Variants in ANKRD2 observed in about 807,000 individuals in gnomAD.
ANKRD2 encodes the protein ankyrin repeat domain 2.
Under a neutral mutation model 37.3 loss-of-function variants are expected in ANKRD2, and 35 were observed. The observed-to-expected ratio is 0.94, with a 90% CI of 0.72 to 1.24. ANKRD2 has a LOEUF of 1.24. Among genes scored for constraint, ANKRD2 ranks in the 50% most tolerant of loss-of-function variants. The pLI is 0.00. For synonymous variants in ANKRD2, 159 were observed against 186.5 expected, an observed-to-expected ratio of 0.85 and a Z score of 1.20; for missense variants, 410 against 445.6, an observed-to-expected ratio of 0.92 and a Z score of 0.72.
Position 97,578,502 on chromosome 10 carries a change from G to C in ANKRD2, c.353G>C (p.Gly118Ala), listed in dbSNP as rs759040379. The change falls in exon 4 of 9, where the codon GGC becomes GCC. Residue 118 changes from glycine to alanine, a missense_variant. Physicochemically the swap from Gly to Ala is moderately conservative, Grantham distance 60. Transcript: ENST00000370655. Reference sequence around the variant, plus strand: ...CTGCTGCGTCCACATCTGCAGACTGGCCCTGTGGATGAGGAGACCTTCCTG... The same window carrying C: ...CTGCTGCGTCCACATCTGCAGACTGCCCCTGTGGATGAGGAGACCTTCCTG... ...EPPPEPEEIT[G>A]PVDEETFLKA... The C allele has an allele frequency of 6.3e-7, 1 of 1,586,026 alleles. No homozygotes were observed. The highest frequency in any genetic ancestry group is 1.8e-5 in the Admixed American group (1 of 54,734).
rs138862885 is a variant in ANKRD2 at position 97,583,711 on chromosome 10, G to A, written c.988G>A (p.Val330Met). Residue 330 changes from valine to methionine, a missense_variant, in exon 9 of 9, where the codon GTG becomes ATG. Transcript: ENST00000370655. ...NDSGRETPQP[V>M]PAQ is the part of the protein sequence containing the mutation. ...TAGTGGGCGAGAGACCCCTCAGCCT[G>A]TGCCAGCCCAGTGAATGCGTGCCCC... 2.6e-5 allele frequency: 41 copies of A among 1,552,646 alleles called. No homozygotes were observed. The highest frequency in any genetic ancestry group is 3.6e-5 in the Non-Finnish European group (41 of 1,150,790).
chr10:97,581,605 A>C (rs2040899597), intron 6 of ANKRD2, among the ~76,000 whole-genome samples, 191 bp downstream of exon 6: 1 of 152,232 alleles, frequency 6.6e-6, no homozygotes. Flanking sequence ...CCATCCACAC[A>C]GGCCCTTGAG....
chr10:97,578,437 G>A (rs2040856149), intron 3 of ANKRD2, 39 bp downstream of exon 3: 3 of 1,609,536 alleles, frequency 1.9e-6, no homozygotes, highest in Non-Finnish European at 2.5e-6. Context: ...GGGGCGGAGG[G>A]GGAGCCCGGG....
chr10:97,578,033 A>G, intron 2 of ANKRD2, 132 bp downstream of exon 2: 3 of 1,085,472 alleles, frequency 2.8e-6, no homozygotes, highest in Non-Finnish European at 3.9e-6. Flanking sequence ...GCCCTGCAGA[A>G]TCTCCGCCCC....
intron 8 of ANKRD2, 21 bp from the exon 9 acceptor site, chr10:97,583,555 G>C (rs780442859): frequency 6.4e-7 from 1 of 1,572,676 alleles, no homozygotes; most frequent in Non-Finnish European, 8.6e-7. Flanking sequence ...CAACCCCCAC[G>C]CCCCGTCCCG....
chr10:97,578,103 G>C (rs1315638974), intron 2 of ANKRD2, 137 bp from the exon 3 acceptor site: 1 of 1,198,668 alleles, frequency 8.3e-7, no homozygotes, highest in Non-Finnish European at 1.1e-6. Context: ...CCTGGAAGGA[G>C]GGATAGACCT....
At position 97,577,861 on chromosome 10, in the gene ANKRD2, A is replaced by G; in HGVS notation, c.149A>G (p.Lys50Arg). ...GACTTGCTGGTGCTGGAGGATGAGA[A>G]GCACCACGGGGCTCAGAGTGCAGCC... ...PMDLLVLEDEKHHGAQSAALQ... is the reference protein window; with the variant it reads ...PMDLLVLEDERHHGAQSAALQ... Residue 50 changes from lysine (K) to arginine (R), a missense_variant, in exon 2 of 9, where the codon AAG becomes AGG. By Grantham distance (26) the Lys-to-Arg change is conservative (BLOSUM62 2). Transcript: ENST00000370655. 1 of 1,573,306 alleles carries G rather than the reference A, an allele frequency of 6.4e-7. No individual in the cohort carries two copies. The highest frequency in any genetic ancestry group is 8.6e-7 in the Non-Finnish European group (1 of 1,159,450).
Position 97,583,810 on chromosome 10 carries a change from G to A in ANKRD2, c.*85G>A, listed in dbSNP as rs1159011642. On this transcript the variant is annotated 3_prime_UTR_variant, in exon 9 of 9. Coordinates refer to ENST00000370655, the MANE Select transcript of ANKRD2 (RefSeq NM_001346793.2). ...AAGAATGGCTCCCGGAGCTAACTGA[G>A]GGCCCAGCCTTTTTTCTGCATGATC... 7.2e-7 allele frequency: 1 copy of A among 1,380,890 alleles called. No individual in the cohort carries two copies. Among genetic ancestry groups the A allele is most frequent in the East Asian group, 3.0e-5 (1 of 33,810 alleles). 85.5% of individuals were successfully genotyped at this position (1,380,890 alleles called of 1,614,324 possible). A position where few individuals can be genotyped will look rare whatever the true frequency, so the allele number is the denominator to read the frequency against.
chr10:97,583,508 T>A, intron 8 of ANKRD2, 68 bp from the exon 9 acceptor site: 1 of 1,435,910 alleles, frequency 7.0e-7, no homozygotes, highest in African/African-American at 1.5e-5. Context: ...GTACCTTCTG[T>A]GAAAGCCTTC....
rs751642438 is a variant in ANKRD2 at position 97,581,427 on chromosome 10, C to T, written c.654+13C>T. The T allele has an allele frequency of 3.1e-6, 5 of 1,613,238 alleles. No individual in the cohort carries two copies. In the African/African-American group the frequency reaches 5.3e-5, roughly 17 times the overall value. ...TGTGAGGGATAAGGTGAGGCAAAAACACTCAGAAGCAACAGATATTGGGGT... is the reference window on the plus strand; with the variant it reads ...TGTGAGGGATAAGGTGAGGCAAAAATACTCAGAAGCAACAGATATTGGGGT... On this transcript the variant is annotated intron_variant, in intron 6 of 8. Transcript: ENST00000370655.
intron 1 of ANKRD2, among the ~76,000 whole-genome samples, chr10:97,575,734 C>A (rs1018797773): frequency 1.3e-5 from 2 of 152,184 alleles, no homozygotes; most frequent in African/African-American, 4.8e-5. Flanking sequence ...CATGGTGGAA[C>A]CCTGTCTCTA....
rs1381790943 is a variant in ANKRD2, at chr10:97,572,858, CAGG to C, written c.79_81del (p.Glu27del). On this transcript the variant is annotated inframe_deletion, in exon 1 of 9. Transcript: ENST00000370655. ...AGCGCTCATCGAGCAGCGGCTGGCA[CAGG>C]AGGAGGAGAATGAGGTGCGAGCAGG... The C allele has an allele frequency of 9.0e-6, 14 of 1,553,902 alleles. No homozygotes were observed. The highest frequency in any genetic ancestry group is 1.8e-4 in the Middle Eastern group (1 of 5,622).
At chr10:97,572,575 C>A, upstream of ANKRD2, 1 of 1,142,142 alleles carries the variant, frequency 8.8e-7, no homozygotes, top group Non-Finnish European at 1.2e-6. Flanking sequence ...CAGTGCCCTC[C>A]GGCTCTAATA....
intron 2 of ANKRD2, 96 bp from the exon 3 acceptor site, chr10:97,578,144 G>GGGA: frequency 1.5e-6 from 1 of 685,446 alleles, no homozygotes; most frequent in Non-Finnish European, 2.5e-6. Context: ...GGGTCTTCCT[G>GGGA]CCCACCCCAC....
intron 8 of ANKRD2, among the ~76,000 whole-genome samples, chr10:97,583,066 A>T (rs113422479): frequency 4.1e-4 from 62 of 152,218 alleles, no homozygotes; most frequent in African/African-American, 1.4e-3. Context: ...CTAGCACCCC[A>T]TGTCAGCTCC....
At chr10:97,572,471 T>C (rs976890472), upstream of ANKRD2, 1 of 531,018 alleles carries the variant, frequency 1.9e-6, no homozygotes, top group African/African-American at 1.9e-5. Flanking sequence ...AGTTCCCTTT[T>C]GCAACTCAGT....
At chr10:97,575,772 G>T (rs960958297) in intron 1 of ANKRD2, among the ~76,000 whole-genome samples, 1 of 152,134 alleles carries the variant, frequency 6.6e-6, no homozygotes, top group Admixed American at 6.5e-5. Flanking sequence ...TTAGCCAGGC[G>T]TGGCGGCATG....
rs775834832 is a variant in ANKRD2, at chr10:97,578,256, G to T, written c.206G>T (p.Arg69Leu). 2.5e-6 allele frequency: 4 copies of T among 1,612,542 alleles called. No individual in the cohort carries two copies. The highest frequency in any genetic ancestry group is 3.4e-6 in the Non-Finnish European group (4 of 1,179,802). Residue 69 changes from arginine to leucine, a missense_variant, in exon 3 of 9, where the codon CGC (arginine) becomes CTC (leucine). Transcript: ENST00000370655. The stretch of plus-strand genomic sequence containing the variant: ...CCCGCGCAGGGCCAAGAGCGCGTGC[G>T]CAAGACGTCCCTGGACCTGCGGCGG... ...LQKVKGQERV[R>L]KTSLDLRREI...
Position 97,579,407 on chromosome 10 carries a change from A to G in ANKRD2, c.456+802A>G, listed in dbSNP as rs564138617. ...CTGCAACTTTCGCCTCTTGGGCTCA[A>G]GCAATCCTCCCACTTCAGCCTCCCA... On this transcript the variant is annotated intron_variant, in intron 4 of 8. Coordinates refer to ENST00000370655, the MANE Select transcript of ANKRD2 (RefSeq NM_001346793.2). 1.1e-3 allele frequency among the ~76,000 whole-genome samples: 167 copies of G among 151,272 alleles called. 2 individuals are homozygous for G. The highest frequency in any genetic ancestry group is 3.9e-3 in the African/African-American group (161 of 41,144).
Sources: allele counts gnomAD v4.1 joint callset (sites outside exome capture counted in the v4.1 genomes callset), GRCh38; gene constraint gnomAD v4.1.1; transcripts MANE v1.5; gene names NCBI Gene and HGNC (gene_info 2026-07-23, HGNC 2026-07-21).